TMEM9: variants seen among roughly 807,000 people sequenced by gnomAD.
TMEM9 encodes proton-transporting V-type ATPase complex assembly regulator TMEM9.
TMEM9 carries 13 observed loss-of-function variants against 22.8 expected under a neutral mutation model. That is an observed-to-expected ratio of 0.57 (90% CI 0.37 to 0.91). The LOEUF is 0.91. TMEM9 is among the 40% of genes least tolerant of loss of function. The probability of loss-of-function intolerance (pLI) is 0.01; values close to 1 mark genes in which losing one functional copy is unlikely to be tolerated. For synonymous variants in TMEM9, 88 were observed against 93.0 expected (o/e 0.95, Z 0.31); for missense variants, 182 against 238.1 (o/e 0.76, Z 1.55).
chr1:201,153,105 G>A (rs773016616), intron 1 of TMEM9, among the ~76,000 whole-genome samples: 4 of 152,214 alleles, frequency 2.6e-5, no homozygotes, highest in Non-Finnish European at 5.9e-5. Flanking sequence ...AAAGCCTTAT[G>A]TTGCTGTGTC....
At chr1:201,145,892 G>A (rs919305069) in intron 3 of TMEM9, among the ~76,000 whole-genome samples, 2 of 152,222 alleles carry the variant, frequency 1.3e-5, no homozygotes, top group African/African-American at 4.8e-5. Flanking sequence ...GGCCTGGGAG[G>A]TCAGAGCTGC....
intron 1 of TMEM9, among the ~76,000 whole-genome samples, chr1:201,164,275 T>C (rs1666017634): frequency 6.6e-6 from 1 of 152,206 alleles, no homozygotes; most frequent in South Asian, 2.1e-4. Flanking sequence ...GGGATCCTTG[T>C]AGTGATGGAA....
upstream of TMEM9, among the ~76,000 whole-genome samples, chr1:201,156,613 C>G (rs1470470267): frequency 2.0e-5 from 3 of 152,180 alleles, no homozygotes; most frequent in African/African-American, 7.2e-5. Flanking sequence ...CACTGCCAGT[C>G]GTTATCTTTC....
intron 1 of TMEM9, among the ~76,000 whole-genome samples, chr1:201,160,142 C>T (rs1252050306): frequency 1.3e-5 from 2 of 152,230 alleles, no homozygotes; most frequent in Non-Finnish European, 2.9e-5. Context: ...TATGGTAAGG[C>T]CCTGGGGCCA....
chr1:201,136,285 C>T (rs778725516), intron 4 of TMEM9, among the ~76,000 whole-genome samples: 5 of 152,176 alleles, frequency 3.3e-5, no homozygotes, highest in Non-Finnish European at 7.3e-5. Flanking sequence ...ACCGAGGTGC[C>T]CCCAGGGCTA....
At chr1:201,144,280 G>A in intron 3 of TMEM9, 1 of 247,288 alleles carries the variant, frequency 4.0e-6, no homozygotes, top group Non-Finnish European at 8.0e-6. Flanking sequence ...CTCCCTGGCT[G>A]TAGAAGAGTT....
At chr1:201,154,886 C>A (rs1215907336), upstream of TMEM9, among the ~76,000 whole-genome samples, 2 of 152,156 alleles carry the variant, frequency 1.3e-5, no homozygotes, top group South Asian at 4.1e-4. Flanking sequence ...AGAAGACTTT[C>A]TGCGCGGCAA....
chr1:201,148,634 C>A (rs1469622283), intron 2 of TMEM9, among the ~76,000 whole-genome samples: 1 of 152,236 alleles, frequency 6.6e-6, no homozygotes, highest in Non-Finnish European at 1.5e-5. Flanking sequence ...GCATAGCTCC[C>A]TTCTGAGCTA....
chr1:201,167,222 T>C (rs577309060), intron 1 of TMEM9, among the ~76,000 whole-genome samples: 82 of 152,348 alleles, frequency 5.4e-4, no homozygotes, highest in South Asian at 2.5e-3. Flanking sequence ...AAGAGTTTAA[T>C]TGATGCGGGG....
At chr1:201,147,163 T>C (rs1167103053) in intron 2 of TMEM9, among the ~76,000 whole-genome samples, 2 of 152,190 alleles carry the variant, frequency 1.3e-5, no homozygotes, top group South Asian at 4.1e-4. Flanking sequence ...TCTCCCGGCA[T>C]GTGCTCATCT....
intron 1 of TMEM9, among the ~76,000 whole-genome samples, chr1:201,164,885 G>A (rs562635985): frequency 2.4e-4 from 37 of 151,798 alleles, no homozygotes; most frequent in African/African-American, 6.3e-4. Context: ...CTTTGCTTGC[G>A]TCACAAGTTG....
At chr1:201,140,420 T>C (rs6671071) in intron 4 of TMEM9, among the ~76,000 whole-genome samples, 143,781 of 152,326 alleles carry the variant, frequency 0.94, 67,895 homozygotes, top group South Asian at 0.97. Flanking sequence ...CCAGGGATTA[T>C]GCCTAATGCT....
intron 2 of TMEM9, among the ~76,000 whole-genome samples, chr1:201,150,834 C>G (rs550228638): frequency 2.6e-5 from 4 of 152,302 alleles, no homozygotes; most frequent in African/African-American, 9.6e-5. Context: ...AGCTCATCTG[C>G]TTTGAGAAAG....
At chr1:201,144,046 G>C (rs1245146684) in intron 3 of TMEM9, 95 bp from the exon 4 acceptor site, 1 of 1,404,606 alleles carries the variant, frequency 7.1e-7, no homozygotes, top group East Asian at 2.4e-5. Context: ...GGCTGGCAGT[G>C]ACTCCTCAAG....
chr1:201,145,964 A>C (rs902085919), intron 3 of TMEM9, among the ~76,000 whole-genome samples: 1 of 152,214 alleles, frequency 6.6e-6, no homozygotes, highest in African/African-American at 2.4e-5. Flanking sequence ...CCAGTCTCTA[A>C]AAAACAAACA....
intron 2 of TMEM9, among the ~76,000 whole-genome samples, chr1:201,150,674 T>C (rs1665353121): frequency 6.6e-6 from 1 of 152,196 alleles, no homozygotes; most frequent in African/African-American, 2.4e-5. Flanking sequence ...GAAATTCAAC[T>C]AGTTTCAAAA....
chr1:201,158,729 C>G (rs1016462599), upstream of TMEM9, among the ~76,000 whole-genome samples: 2 of 152,184 alleles, frequency 1.3e-5, no homozygotes, highest in Non-Finnish European at 2.9e-5. Flanking sequence ...CCACTGCTTC[C>G]TCTCAGGACT....
At chr1:201,154,564 T>A (rs1665716386), upstream of TMEM9, 1 of 152,292 alleles carries the variant, frequency 6.6e-6, no homozygotes, top group Middle Eastern at 3.2e-3. Flanking sequence ...AGACCCGCCT[T>A]CACCTGGGCG....
intron 1 of TMEM9, among the ~76,000 whole-genome samples, chr1:201,152,263 C>G (rs1433733764): frequency 6.6e-6 from 1 of 152,156 alleles, no homozygotes; most frequent in Admixed American, 6.5e-5. Flanking sequence ...CCCCACATTC[C>G]TTCTCCAACT....
Sources: allele counts gnomAD v4.1 joint callset (sites outside exome capture counted in the v4.1 genomes callset), GRCh38; gene constraint gnomAD v4.1.1; transcripts MANE v1.5; gene names NCBI Gene and HGNC (gene_info 2026-07-23, HGNC 2026-07-21).